SEMA4D: variants seen among roughly 807,000 people sequenced by gnomAD.
The protein encoded by SEMA4D is semaphorin-4D.
In SEMA4D, 22 loss-of-function variants were observed where a neutral mutation model predicts 74.8. That is an observed-to-expected ratio of 0.29 (90% confidence interval 0.21 to 0.42). SEMA4D has a LOEUF of 0.42. Ranked by LOEUF, SEMA4D falls within the 10% of genes least tolerant of loss-of-function variation. SEMA4D has a pLI of 1.00. For missense variants in SEMA4D, 937 were observed against 1,118.4 expected (o/e 0.84, Z 2.31); for synonymous variants, 445 against 463.7 (o/e 0.96, Z 0.52).
At chr9:89,362,501 C>T in intron 18 of SEMA4D, 2 of 1,613,414 alleles carry the variant, frequency 1.2e-6, no homozygotes, top group Non-Finnish European at 8.5e-7. Context: ...CCCAGTCTGT[C>T]TCATAGCCCA....
intron 2 of SEMA4D, among the ~76,000 whole-genome samples, chr9:89,437,880 T>A (rs556816466): frequency 6.6e-6 from 1 of 152,204 alleles, no homozygotes; most frequent in East Asian, 1.9e-4. Flanking sequence ...AGATACCAAG[T>A]CTAAAATTCC....
chr9:89,376,424 T>G (rs2132572661), downstream of SEMA4D: 1 of 154,814 alleles, frequency 6.5e-6, no homozygotes, highest in Non-Finnish European at 1.4e-5. Flanking sequence ...GTTGGGAAAC[T>G]GGGGCCTTTG....
At chr9:89,363,153 C>T (rs1322731795) in intron 18 of SEMA4D, among the ~76,000 whole-genome samples, 1 of 152,232 alleles carries the variant, frequency 6.6e-6, no homozygotes, top group African/African-American at 2.4e-5. Flanking sequence ...GCCCATCTAA[C>T]TAGACAGCCC....
At chr9:89,472,626 CGGTGCTTA>C (rs1860673540) in intron 1 of SEMA4D, 2 of 193,828 alleles carry the variant, frequency 1.0e-5, no homozygotes, top group South Asian at 1.7e-4. Context: ...CTAATGATGT[CGGTGCTTA>C]ATGATGTCTA....
chr9:89,402,445 T>C (rs1842414258), intron 4 of SEMA4D, among the ~76,000 whole-genome samples: 1 of 152,050 alleles, frequency 6.6e-6, no homozygotes, highest in Admixed American at 6.6e-5. Flanking sequence ...GAATGTATGA[T>C]GATATAAATT....
intron 13 of SEMA4D, chr9:89,384,720 C>G: frequency 1.0e-6 from 1 of 985,428 alleles, no homozygotes; most frequent in Non-Finnish European, 1.2e-6. Context: ...GGAGGCACAG[C>G]GCACCTCCCC....
intron 1 of SEMA4D, among the ~76,000 whole-genome samples, chr9:89,475,205 C>T (rs1861465402): frequency 6.6e-6 from 1 of 152,238 alleles, no homozygotes; most frequent in South Asian, 2.1e-4. Flanking sequence ...GAACCAGTGT[C>T]ACAGAGGCTG....
intron 13 of SEMA4D, chr9:89,385,495 C>T (rs1014288970): frequency 2.3e-5 from 23 of 985,234 alleles, no homozygotes; most frequent in Admixed American, 6.2e-5. Context: ...TCCTGGAGAC[C>T]GAGAGGCTGG....
chr9:89,372,793 C>T (rs2132513923), downstream of SEMA4D, among the ~76,000 whole-genome samples: 1 of 152,008 alleles, frequency 6.6e-6, no homozygotes, highest in East Asian at 1.9e-4. Context: ...TGCTGTCTCA[C>T]CTGGGCACTG....
rs1836459712 is a variant in SEMA4D, at chr9:89,379,281, T to G, written c.2012A>C (p.Lys671Thr). Residue 671 changes from lysine to threonine, a missense_variant, in exon 16 of 16, where the codon AAA becomes ACA. Coordinates refer to ENST00000422704, the MANE Select transcript of SEMA4D (RefSeq NM_001371194.2). Reference sequence around the variant, plus strand: ...CCCTTGGGTGGATGCCACCAACACTTTGGTGGCAATCCTACTACCTTCTGT... The same window carrying G: ...CCCTTGGGTGGATGCCACCAACACTGTGGTGGCAATCCTACTACCTTCTGT... ...VQTEGSRIAT[K>T]VLVASTQGSS... is the part of the protein sequence containing the mutation. The G allele has an allele frequency of 1.2e-6, 2 of 1,613,920 alleles. No individual in the cohort carries two copies. Among genetic ancestry groups the G allele is most frequent in the Non-Finnish European group, 8.5e-7 (1 of 1,180,020 alleles).
At chr9:89,376,761 C>T, downstream of SEMA4D, 2 of 1,492,432 alleles carry the variant, frequency 1.3e-6, no homozygotes, top group South Asian at 1.3e-5. Context: ...GTGGAGGATG[C>T]CCCCGCCCGC....
rs1564479304 is a variant in SEMA4D, at chr9:89,364,097, C to T, written c.1883-147G>A. The stretch of plus-strand genomic sequence containing the variant: ...TTCCAATTCAGTCCCTGGGACTGCC[C>T]TGGAGGTGGCTTCCCCATGGCCAGC... On this transcript the variant is annotated intron_variant, in intron 16 of 18. Transcript: ENST00000339861. 1.3e-5 allele frequency: 19 copies of T among 1,509,006 alleles called. No homozygotes were observed. In the South Asian group the frequency reaches 2.0e-4, roughly 16 times the overall value. 93.5% of individuals were successfully genotyped at this position (1,509,006 alleles called of 1,614,324 possible). A position where few individuals can be genotyped will look rare whatever the true frequency, so the allele number is the denominator to read the frequency against.
At position 89,458,972 on chromosome 9, in the gene SEMA4D, C is replaced by CT. The variant is rs1471691640; in HGVS notation, c.-309-3020_-309-3019insA. ...ACATCTACCTACACACATGTGCCTACACACATATGCATACTCATACACACA... is the reference window on the plus strand; with the variant it reads ...ACATCTACCTACACACATGTGCCTACTACACATATGCATACTCATACACACA... On this transcript the variant is annotated intron_variant, in intron 1 of 15. Transcript: ENST00000422704. Among the ~76,000 whole-genome samples, 3 of 152,162 alleles carry CT rather than the reference C, an allele frequency of 2.0e-5. No individual in the cohort carries two copies. The East Asian group carries it at 5.8e-4, about 29-fold the overall frequency.
chr9:89,388,984 T>C lies in SEMA4D; in HGVS notation c.838A>G (p.Ile280Val). Residue 280 changes from isoleucine (I) to valine (V), a missense_variant, in exon 10 of 16, where the codon ATC (isoleucine) becomes GTC (valine). Physicochemically the swap from Ile to Val is conservative, Grantham distance 29 (BLOSUM62 3). Coordinates refer to ENST00000422704, the MANE Select transcript of SEMA4D (RefSeq NM_001371194.2). ...KWTSFLKARL[I>V]CSRPDSGLVF... is the part of the protein sequence containing the mutation. ...AAGCCGCTGTCTGGCCGGGAGCAGA[T>C]GAGTCGGGCTTTCAGGAAGGAGGTC... 1 of 1,614,084 alleles carries C rather than the reference T, an allele frequency of 6.2e-7. No homozygotes were observed.
chr9:89,418,141 G>A, intron 2 of SEMA4D: 1 of 976,234 alleles, frequency 1.0e-6, no homozygotes, highest in Non-Finnish European at 1.2e-6. Flanking sequence ...TGGGAAACAA[G>A]GCTATTTAAG....
rs80203826 is a variant in SEMA4D at position 89,418,235 on chromosome 9, G to T, written c.-243-12536C>A. On this transcript the variant is annotated intron_variant, in intron 2 of 15. Coordinates refer to ENST00000422704, the MANE Select transcript of SEMA4D (RefSeq NM_001371194.2). ...AATTATTGTGAGTTTAAACCTTCTAGACTTCCTTAGACGCAGGATCAGCTT... is the reference window on the plus strand; with the variant it reads ...AATTATTGTGAGTTTAAACCTTCTATACTTCCTTAGACGCAGGATCAGCTT... The T allele has an allele frequency of 4.0e-3, 2,686 of 674,298 alleles. 83 individuals are homozygous for T. In the East Asian group the frequency reaches 0.1, roughly 25 times the overall value. The allele number at this position is 674,298 out of a possible 1,614,324, so 41.8% of individuals were successfully genotyped here. A position where few individuals can be genotyped will look rare whatever the true frequency, so the allele number is the denominator to read the frequency against.
exon 19 of SEMA4D, chr9:89,361,229 C>G (rs1470665667): frequency 6.6e-6 from 1 of 152,212 alleles, no homozygotes; most frequent in Non-Finnish European, 1.5e-5. Flanking sequence ...CCAGCATCTT[C>G]AGGACACCTG....
In SEMA4D at chr9:89,492,343, G is replaced by C. The variant is rs926341827; in HGVS notation, c.-310+5576C>G. 6.6e-6 allele frequency among the ~76,000 whole-genome samples: 1 copy of C among 152,190 alleles called. No homozygotes were observed. Among genetic ancestry groups the C allele is most frequent in the East Asian group, 1.9e-4 (1 of 5,176 alleles). ...GCTGGCCGCACCTTCTTGGTTTCTTGTTCCAGGCTCAGTCCTCGGACCTCT... is the reference window on the plus strand; with the variant it reads ...GCTGGCCGCACCTTCTTGGTTTCTTCTTCCAGGCTCAGTCCTCGGACCTCT... On this transcript the variant is annotated intron_variant, in intron 1 of 15. Coordinates refer to ENST00000422704, the MANE Select transcript of SEMA4D (RefSeq NM_001371194.2). The surrounding 1 kb of genome is among the most constrained non-coding windows in gnomAD (Gnocchi z 4.3).
downstream of SEMA4D, among the ~76,000 whole-genome samples, chr9:89,373,474 C>T (rs191851147): frequency 2.6e-4 from 40 of 152,312 alleles, no homozygotes; most frequent in Admixed American, 8.5e-4. Context: ...GCTGACCTTC[C>T]ATCAGTCAGC....
Sources: gnomAD v4.1 joint callset for allele counts (sites outside exome capture counted in the v4.1 genomes callset) on GRCh38, gnomAD v4.1.1 for gene constraint, Gnocchi (gnomAD v3.1) non-coding constraint, MANE v1.5 for transcripts, NCBI Gene and HGNC (gene_info 2026-07-23, HGNC 2026-07-21) for gene names.